ABCA13: variants seen among roughly 807,000 people sequenced by gnomAD.
ABCA13 encodes the protein ATP binding cassette subfamily A member 13, also known as ATP-binding cassette sub-family A member 13.
In ABCA13, 476 loss-of-function variants were observed where a neutral mutation model predicts 478.7. The observed-to-expected ratio is 0.99, with a 90% CI of 0.92 to 1.07. The LOEUF is 1.07. Ranked by LOEUF, ABCA13 falls within the 50% of genes least tolerant of loss-of-function variation. The pLI is 0.00. For synonymous variants in ABCA13, 2,252 were observed against 2,158.9 expected, an observed-to-expected ratio of 1.04 and a Z score of -1.20; for missense variants, 6,060 against 5,910.6, an observed-to-expected ratio of 1.03 and a Z score of -0.83.
intron 58 of ABCA13, 52 bp from the exon 59 acceptor site, chr7:48,615,233 C>T (rs936494833): frequency 2.5e-6 from 3 of 1,220,120 alleles, no homozygotes; most frequent in Non-Finnish European, 3.3e-6. Flanking sequence ...TTTGACTCAA[C>T]CCTCCCCTCT....
intron 55 of ABCA13, among the ~76,000 whole-genome samples, chr7:48,557,660 A>G (rs781719427): frequency 6.6e-5 from 10 of 152,146 alleles, no homozygotes; most frequent in African/African-American, 1.4e-4. Context: ...TTTGATTATT[A>G]AATGGCTCAG....
Position 48,206,087 on chromosome 7 carries a change from T to G in ABCA13, c.287+7727T>G, listed in dbSNP as rs1425308985. Among the ~76,000 whole-genome samples the G allele has an allele frequency of 3.3e-5, 5 of 152,332 alleles. No homozygotes were observed. In the South Asian group the frequency reaches 1.0e-3, roughly 32 times the overall value. The stretch of plus-strand genomic sequence containing the variant: ...CTTGTCTGCTTTTGGTCATCTAGAT[T>G]AGATTTGCCTTTTCTAAATTTTATA... On this transcript the variant is annotated intron_variant, in intron 3 of 61. Coordinates refer to ENST00000435803, the MANE Select transcript of ABCA13 (RefSeq NM_152701.5).
chr7:48,454,412 T>C (rs1424600022), intron 42 of ABCA13, among the ~76,000 whole-genome samples: 1 of 152,212 alleles, frequency 6.6e-6, no homozygotes, highest in African/African-American at 2.4e-5. Context: ...AGTAGATGAA[T>C]GATGCACAGC....
Position 48,391,933 on chromosome 7 carries a change from G to C in ABCA13, c.11667G>C (p.Thr3889=). ...AGKTTIISML[T]GLHPPTSGTI... Reference sequence around the variant, plus strand: ...TTTTCTCTGGCAGATCCATGTTGACGGGGCTCCACCCTCCCACTTCTGGAA... The same window carrying C: ...TTTTCTCTGGCAGATCCATGTTGACCGGGCTCCACCCTCCCACTTCTGGAA... Residue 3889 remains threonine, a synonymous_variant, in exon 38 of 62, where the codon ACG becomes ACC. Coordinates refer to ENST00000435803, the MANE Select transcript of ABCA13 (RefSeq NM_152701.5). The C allele has an allele frequency of 6.2e-7, 1 of 1,613,668 alleles. No individual in the cohort carries two copies. Among genetic ancestry groups the C allele is most frequent in the Non-Finnish European group, 8.5e-7 (1 of 1,179,782 alleles).
At position 48,644,712 on chromosome 7, in the gene ABCA13, G is replaced by T. The variant is rs201239362; in HGVS notation, c.15039G>T (p.Leu5013Phe). 2.8e-5 allele frequency: 45 copies of T among 1,602,642 alleles called. No individual in the cohort carries two copies. Among genetic ancestry groups the T allele is most frequent in the Non-Finnish European group, 3.6e-5 (42 of 1,175,570 alleles). The change falls in exon 61 of 62, where the codon TTG becomes TTT. Residue 5013 changes from leucine to phenylalanine, a missense_variant. Physicochemically the swap from Leu to Phe is conservative, Grantham distance 22 (BLOSUM62 0). Coordinates refer to ENST00000435803, the MANE Select transcript of ABCA13 (RefSeq NM_152701.5). ...TTATAGAGAACAATAAAACCTTCTT[G>T]AATATTAAGCATTATTCCATTAACC... ...FKVIENNKTF[L>F]NIKHYSINQT...
chr7:48,476,734 G>A (rs1334571144), intron 45 of ABCA13, among the ~76,000 whole-genome samples: 1 of 152,118 alleles, frequency 6.6e-6, no homozygotes, highest in African/African-American at 2.4e-5. Flanking sequence ...TTTCAGAGGT[G>A]TCTAGTCCTC....
chr7:48,252,080 G>A (rs965143821), intron 15 of ABCA13, among the ~76,000 whole-genome samples: 1 of 152,040 alleles, frequency 6.6e-6, no homozygotes, highest in African/African-American at 2.4e-5. Flanking sequence ...CAAATGTGGG[G>A]TGTTTTCAGC....
chr7:48,552,125 G>T (rs1166211778), intron 55 of ABCA13, among the ~76,000 whole-genome samples: 6 of 151,356 alleles, frequency 4.0e-5, no homozygotes, highest in Non-Finnish European at 8.9e-5. Flanking sequence ...TGGTTTCCTT[G>T]CAGTCCTTAC....
intron 42 of ABCA13, among the ~76,000 whole-genome samples, chr7:48,439,485 C>A (rs1216909546): frequency 6.6e-6 from 1 of 151,962 alleles, no homozygotes; most frequent in African/African-American, 2.4e-5. Context: ...ATGCTAATAA[C>A]CGAAAGAGAA....
intron 41 of ABCA13, among the ~76,000 whole-genome samples, chr7:48,426,560 G>A (rs1268433709): frequency 6.6e-6 from 1 of 152,224 alleles, no homozygotes; most frequent in Non-Finnish European, 1.5e-5. Context: ...TCACTACCCA[G>A]GGCATTGGGT....
rs781681190 is a variant in ABCA13 at position 48,288,078 on chromosome 7, G to C, written c.8955G>C (p.Gln2985His). Residue 2985 changes from glutamine to histidine, a missense_variant and splice_region_variant, in exon 20 of 62, where the codon CAG (glutamine) becomes CAC (histidine). Around this residue, in one of 3 missense-constraint regions of ABCA13, gnomAD observed 4,423 missense variants for 4,309.1 expected, o/e 1.03. Coordinates refer to ENST00000435803, the MANE Select transcript of ABCA13 (RefSeq NM_152701.5). Reference protein sequence around the residue: ...QGVTLAQDHFQEIEKIWSSPN... With the variant: ...QGVTLAQDHFHEIEKIWSSPN... Reference sequence around the variant, plus strand: ...TCACTTTGGCGCAGGACCACTTCCAGGTTTGTCGTCTTTAATATTTCAGAG... The same window carrying C: ...TCACTTTGGCGCAGGACCACTTCCACGTTTGTCGTCTTTAATATTTCAGAG... 6.2e-7 allele frequency: 1 copy of C among 1,612,266 alleles called. No individual in the cohort carries two copies. The highest frequency in any genetic ancestry group is 8.5e-7 in the Non-Finnish European group (1 of 1,178,528).
chr7:48,206,246 A>G (rs1276302718), intron 3 of ABCA13, among the ~76,000 whole-genome samples: 4 of 152,234 alleles, frequency 2.6e-5, no homozygotes, highest in Non-Finnish European at 5.9e-5. Flanking sequence ...TGCGTATATG[A>G]CAGGGGTCAC....
At chr7:48,238,219 T>TGTTC (rs1258191687) in intron 8 of ABCA13, among the ~76,000 whole-genome samples, 1 of 152,136 alleles carries the variant, frequency 6.6e-6, no homozygotes, top group African/African-American at 2.4e-5. Flanking sequence ...CATTCACAAG[T>TGTTC]GTTCACCCTC....
chr7:48,321,809 C>T (rs1435241376), intron 27 of ABCA13, among the ~76,000 whole-genome samples: 3 of 152,114 alleles, frequency 2.0e-5, no homozygotes, highest in African/African-American at 7.2e-5. Flanking sequence ...AGTGCCAGAC[C>T]CCAAGGTTCC....
intron 3 of ABCA13, among the ~76,000 whole-genome samples, chr7:48,208,719 GT>G (rs1042268995): frequency 1.3e-5 from 2 of 151,830 alleles, no homozygotes; most frequent in African/African-American, 4.8e-5. Flanking sequence ...AAGTCTTTAG[GT>G]TTTTCTAAAT....
In ABCA13 at chr7:48,589,478, A is replaced by T. The variant is rs147121511; in HGVS notation, c.14640+2190A>T. On this transcript the variant is annotated intron_variant, in intron 57 of 61. Transcript: ENST00000435803. ...TTTAATGAATTCAACATGTGTTTTG[A>T]TATACATAAATATTCTGATGTGTTG... 1.8e-3 allele frequency among the ~76,000 whole-genome samples: 280 copies of T among 152,300 alleles called. 1 individual carries two copies. Among genetic ancestry groups the T allele is most frequent in the African/African-American group, 6.4e-3 (264 of 41,566 alleles).
Position 48,227,351 on chromosome 7 carries a change from G to C in ABCA13, c.558G>C (p.Pro186=), listed in dbSNP as rs181085519. 7.0e-6 allele frequency: 11 copies of C among 1,573,456 alleles called. No homozygotes were observed. The South Asian group carries it at 1.1e-4, about 16-fold the overall frequency. Residue 186 remains proline (P), a synonymous_variant, in exon 6 of 62, where the codon CCG becomes CCC. Coordinates refer to ENST00000435803, the MANE Select transcript of ABCA13 (RefSeq NM_152701.5). The stretch of plus-strand genomic sequence containing the variant: ...TCTGGGATTTTCTACTTTTACTGCC[G>C]AGACTACACACAAGCCATGATCATG... The part of the protein sequence containing the change: ...PHIWDFLLLL[P]RLHTSHDHVE...
intron 55 of ABCA13, among the ~76,000 whole-genome samples, chr7:48,564,791 G>T (rs1786858798): frequency 6.6e-6 from 1 of 151,966 alleles, no homozygotes; most frequent in African/African-American, 2.4e-5. Flanking sequence ...TAAAATTTTT[G>T]AATCTACATA....
At chr7:48,423,550 T>C (rs1821046467) in intron 41 of ABCA13, among the ~76,000 whole-genome samples, 1 of 152,130 alleles carries the variant, frequency 6.6e-6, no homozygotes, top group South Asian at 2.1e-4. Flanking sequence ...ATAGGACTCA[T>C]GGCTGAGGGA....
Sources: gnomAD v4.1 joint callset for allele counts (sites outside exome capture counted in the v4.1 genomes callset) on GRCh38, gnomAD v4.1.1 for gene constraint, gnomAD v4.1.1 regional missense constraint, MANE v1.5 for transcripts, NCBI Gene and HGNC (gene_info 2026-07-23, HGNC 2026-07-21) for gene names.